Variants in TRAPPC9 observed in about 807,000 individuals in gnomAD.
TRAPPC9 encodes trafficking protein particle complex subunit 9.
TRAPPC9 carries 83 observed loss-of-function variants against 124.0 expected under a neutral mutation model. That is an observed-to-expected ratio of 0.67 (90% confidence interval 0.56 to 0.80). The LOEUF (loss-of-function observed/expected upper bound fraction) is 0.80, where lower values mean the gene tolerates loss of function less well. Ranked by LOEUF, TRAPPC9 falls within the 30% of genes least tolerant of loss-of-function variation. The pLI is 0.00. For missense variants in TRAPPC9, 1,302 were observed against 1,508.3 expected (o/e 0.86, Z 2.27); for synonymous variants, 638 against 617.5 (o/e 1.03, Z -0.49).
chr8:139,980,692 C>T (rs150204015), intron 19 of TRAPPC9, among the ~76,000 whole-genome samples: 2 of 152,358 alleles, frequency 1.3e-5, no homozygotes, highest in African/African-American at 4.8e-5. Context: ...TGCCCAGGCA[C>T]GCGAAGCCAG....
chr8:140,181,766 T>A (rs1343587286), intron 17 of TRAPPC9, among the ~76,000 whole-genome samples: 1 of 152,126 alleles, frequency 6.6e-6, no homozygotes, highest in Non-Finnish European at 1.5e-5. Context: ...CCCTGTAGAT[T>A]CCCCCTCATG....
At chr8:139,978,693 C>A (rs181834513) in intron 19 of TRAPPC9, among the ~76,000 whole-genome samples, 1 of 152,296 alleles carries the variant, frequency 6.6e-6, no homozygotes, top group East Asian at 1.9e-4. Flanking sequence ...ACGTGAAAGA[C>A]CACACAGCGA....
At chr8:139,951,278 T>C (rs1834629782) in intron 19 of TRAPPC9, among the ~76,000 whole-genome samples, 1 of 152,200 alleles carries the variant, frequency 6.6e-6, no homozygotes, top group African/African-American at 2.4e-5. Flanking sequence ...GTCCCAGTGG[T>C]TAGCACACGA....
chr8:139,785,578 A>ACACAC (rs1563811351), intron 21 of TRAPPC9, among the ~76,000 whole-genome samples: 1 of 148,964 alleles, frequency 6.7e-6, no homozygotes, highest in Non-Finnish European at 1.5e-5. Context: ...ACACACACAC[A>ACACAC]ATTAGCTGGG....
intron 21 of TRAPPC9, among the ~76,000 whole-genome samples, chr8:139,877,578 CT>C (rs1014762618): frequency 2.0e-5 from 3 of 152,296 alleles, no homozygotes; most frequent in African/African-American, 7.2e-5. Context: ...CCATCAGACC[CT>C]CTGCAGCAGG....
chr8:139,750,344 C>A (rs902694968), intron 21 of TRAPPC9, among the ~76,000 whole-genome samples: 1 of 152,204 alleles, frequency 6.6e-6, no homozygotes, highest in African/African-American at 2.4e-5. Context: ...CCACGCCTCC[C>A]CAGGCCTCAG....
intron 19 of TRAPPC9, among the ~76,000 whole-genome samples, chr8:139,929,722 C>T (rs1047937619): frequency 6.6e-6 from 1 of 152,388 alleles, no homozygotes. Context: ...GTGCCATGCA[C>T]CCGACACATA....
chr8:140,017,944 G>T (rs1422143562), intron 18 of TRAPPC9, among the ~76,000 whole-genome samples: 1 of 151,912 alleles, frequency 6.6e-6, no homozygotes, highest in African/African-American at 2.4e-5. Context: ...CCTGGGTTCA[G>T]GTGATTCTCC....
intron 21 of TRAPPC9, among the ~76,000 whole-genome samples, chr8:139,794,394 T>A (rs1236832578): frequency 1.3e-5 from 2 of 152,194 alleles, no homozygotes; most frequent in Non-Finnish European, 2.9e-5. Flanking sequence ...CGTTTCCAGA[T>A]GTCGCTGTCC....
chr8:139,903,784 T>C (rs1831167586), intron 20 of TRAPPC9, among the ~76,000 whole-genome samples: 2 of 152,208 alleles, frequency 1.3e-5, no homozygotes, highest in African/African-American at 4.8e-5. Context: ...CTCACACCTA[T>C]AATCCCAGCA....
At chr8:140,204,723 G>T (rs888121770) in intron 17 of TRAPPC9, among the ~76,000 whole-genome samples, 1 of 152,154 alleles carries the variant, frequency 6.6e-6, no homozygotes, top group Admixed American at 6.5e-5. Flanking sequence ...AGCCTCTGAG[G>T]TCCTCACCAG....
chr8:139,842,708 C>CA (rs1446000850), intron 21 of TRAPPC9, among the ~76,000 whole-genome samples: 1 of 152,172 alleles, frequency 6.6e-6, no homozygotes, highest in East Asian at 1.9e-4. Flanking sequence ...AGTGTCCCTC[C>CA]ACCGCCCTGT....
intron 17 of TRAPPC9, among the ~76,000 whole-genome samples, chr8:140,049,430 T>C (rs1841831889): frequency 6.6e-6 from 1 of 152,136 alleles, no homozygotes; most frequent in Non-Finnish European, 1.5e-5. Context: ...CCCGGGCTCC[T>C]GTTCCTTCAC....
At chr8:140,019,540 GTC>G (rs1839694333) in intron 18 of TRAPPC9, among the ~76,000 whole-genome samples, 1 of 73,274 alleles carries the variant, frequency 1.4e-5, no homozygotes, top group African/African-American at 6.0e-5. Flanking sequence ...AGTAATTTGT[GTC>G]TTTTTTTTTT....
At chr8:139,941,622 G>A (rs1166228575) in intron 19 of TRAPPC9, among the ~76,000 whole-genome samples, 1 of 152,218 alleles carries the variant, frequency 6.6e-6, no homozygotes, top group African/African-American at 2.4e-5. Context: ...ACAAGGAAAG[G>A]AATTTTCCAA....
At chr8:140,428,611 G>C (rs2070512891) in intron 4 of TRAPPC9, among the ~76,000 whole-genome samples, 1 of 152,136 alleles carries the variant, frequency 6.6e-6, no homozygotes. Flanking sequence ...GCTTCAGTTT[G>C]TTCCTGTTCT....
chr8:140,008,713 T>C (rs1309095952), intron 18 of TRAPPC9: 1 of 152,266 alleles, frequency 6.6e-6, no homozygotes, highest in Non-Finnish European at 1.5e-5. Context: ...CCAGACCTCG[T>C]CTACATCCGA....
intron 21 of TRAPPC9, among the ~76,000 whole-genome samples, chr8:139,817,565 G>T (rs1824935686): frequency 6.6e-6 from 1 of 152,232 alleles, no homozygotes; most frequent in African/African-American, 2.4e-5. Context: ...CACAGGCCTG[G>T]CTTCTCGTTC....
rs543801112 is a variant in TRAPPC9 at position 140,426,798 on chromosome 8, T to G, written c.860-157A>C. On this transcript the variant is annotated intron_variant, in intron 4 of 22. Coordinates refer to ENST00000438773, the MANE Select transcript of TRAPPC9 (RefSeq NM_001160372.4). ...TCTGAGGAACAGTATGTTACAAGTT[T>G]GGTGCCTTTTTGCTTCAGACAGGAA... 6.6e-5 allele frequency among the ~76,000 whole-genome samples: 10 copies of G among 152,364 alleles called. No individual in the cohort carries two copies. The South Asian group carries it at 8.3e-4, about 13-fold the overall frequency.
Sources: gnomAD v4.1 joint callset for allele counts (sites outside exome capture counted in the v4.1 genomes callset) on GRCh38, gnomAD v4.1.1 for gene constraint, MANE v1.5 for transcripts, NCBI Gene and HGNC (gene_info 2026-07-23, HGNC 2026-07-21) for gene names.